Variants in ADAM10 observed in about 807,000 individuals in gnomAD.
ADAM10 encodes the protein disintegrin and metalloproteinase domain-containing protein 10.
ADAM10 carries 17 observed loss-of-function variants against 90.1 expected under a neutral mutation model. That is an observed-to-expected ratio of 0.19 (90% confidence interval 0.13 to 0.28). The LOEUF (loss-of-function observed/expected upper bound fraction) is 0.28, where lower values mean the gene tolerates loss of function less well. Among genes scored for constraint, ADAM10 ranks in the 10% least tolerant of loss-of-function variants. ADAM10 has a pLI of 1.00. For missense variants in ADAM10, 610 were observed against 914.3 expected (o/e 0.67, Z 4.29); for synonymous variants, 310 against 298.6 (o/e 1.04, Z -0.40).
Position 58,593,152 on chromosome 15 carries a change from T to A in ADAM10, c.*4395A>T, listed in dbSNP as rs1894864226. On this transcript the variant is annotated 3_prime_UTR_variant, in exon 16 of 16. Transcript: ENST00000260408. Reference sequence around the variant, plus strand: ...GTAACAAAGGCCAGGTACTCAAATTTTTTTTTTTTTTTTTTTTTTTTTTTT... The same window carrying A: ...GTAACAAAGGCCAGGTACTCAAATTATTTTTTTTTTTTTTTTTTTTTTTTT... The A allele has an allele frequency of 4.5e-4, 2 of 4,472 alleles. No homozygotes were observed. Among genetic ancestry groups the A allele is most frequent in the Non-Finnish European group, 7.7e-4 (2 of 2,600 alleles). The allele number at this position is 4,472 out of a possible 1,614,324, so 0.3% of individuals were successfully genotyped here.
chr15:58,699,659 A>C (rs1898077113), intron 2 of ADAM10, among the ~76,000 whole-genome samples: 1 of 151,974 alleles, frequency 6.6e-6, no homozygotes, highest in Non-Finnish European at 1.5e-5. Flanking sequence ...CTTTAGTCCC[A>C]ACTATGAAGG....
chr15:58,659,068 T>G (rs1168446469), intron 5 of ADAM10, among the ~76,000 whole-genome samples: 1 of 152,026 alleles, frequency 6.6e-6, no homozygotes, highest in East Asian at 1.9e-4. Context: ...AGTTCAAAAG[T>G]TCAAGACCAG....
At chr15:58,710,057 C>A (rs542696017) in intron 2 of ADAM10, among the ~76,000 whole-genome samples, 12 of 152,158 alleles carry the variant, frequency 7.9e-5, no homozygotes, top group African/African-American at 2.9e-4. Context: ...CCAAGGCAGG[C>A]GGATCATGTT....
rs199586106 is a variant in ADAM10 at position 58,673,414 on chromosome 15, GT to G, written c.484+5709del. Among the ~76,000 whole-genome samples, 561 of 146,012 alleles carry G rather than the reference GT, an allele frequency of 3.8e-3. 5 individuals are homozygous for G. Among genetic ancestry groups the G allele is most frequent in the African/African-American group, 0.012 (494 of 39,858 alleles). ...AAAAAAAAAAAAAAAAGCTGCAGCT[GT>G]TTTTTTGACACTGTAAATGCTTCTA... On this transcript the variant is annotated intron_variant, in intron 4 of 15. Transcript: ENST00000260408.
chr15:58,659,104 C>T (rs746632464), intron 5 of ADAM10, among the ~76,000 whole-genome samples: 1 of 152,054 alleles, frequency 6.6e-6, no homozygotes, highest in Non-Finnish European at 1.5e-5. Context: ...GAAACCCCAT[C>T]TTTACTAAAA....
At chr15:58,660,660 T>C (rs1896945246) in intron 5 of ADAM10, among the ~76,000 whole-genome samples, 1 of 152,196 alleles carries the variant, frequency 6.6e-6, no homozygotes, top group Non-Finnish European at 1.5e-5. Context: ...CCATCAGTTT[T>C]TTGTTCCTTT....
intron 11 of ADAM10, among the ~76,000 whole-genome samples, chr15:58,615,337 C>T (rs192859714): frequency 6.6e-6 from 1 of 151,368 alleles, no homozygotes; most frequent in African/African-American, 2.4e-5. Context: ...GAAGTCCTCA[C>T]CTACTGATAT....
chr15:58,603,710 T>A (rs770244240), intron 14 of ADAM10, among the ~76,000 whole-genome samples: 1 of 152,034 alleles, frequency 6.6e-6, no homozygotes, highest in Admixed American at 6.5e-5. Flanking sequence ...TAGACCACTA[T>A]GTAGGAGAGA....
chr15:58,661,678 G>A (rs1896970534), intron 5 of ADAM10, among the ~76,000 whole-genome samples: 1 of 152,062 alleles, frequency 6.6e-6, no homozygotes, highest in South Asian at 2.1e-4. Flanking sequence ...CTTGGACCAT[G>A]AATTGAAATT....
At chr15:58,715,987 G>A (rs1203826544) in intron 2 of ADAM10, among the ~76,000 whole-genome samples, 2 of 152,056 alleles carry the variant, frequency 1.3e-5, no homozygotes, top group African/African-American at 4.8e-5. Context: ...ATGATTGCTT[G>A]TAATTTCATA....
intron 8 of ADAM10, among the ~76,000 whole-genome samples, chr15:58,639,970 G>A (rs570326886): frequency 2.0e-4 from 31 of 151,614 alleles, no homozygotes; most frequent in African/African-American, 4.6e-4. Context: ...ATATACTATT[G>A]ATTAAACTCT....
intron 5 of ADAM10, among the ~76,000 whole-genome samples, chr15:58,664,658 G>T (rs1460821694): frequency 6.6e-6 from 1 of 151,934 alleles, no homozygotes; most frequent in Non-Finnish European, 1.5e-5. Context: ...AAAGAAAAAG[G>T]AAGGGAAAAA....
chr15:58,649,878 T>C (rs1896644051), intron 5 of ADAM10, among the ~76,000 whole-genome samples: 1 of 152,196 alleles, frequency 6.6e-6, no homozygotes, highest in Non-Finnish European at 1.5e-5. Context: ...TGACTCTCCA[T>C]TTTCCTCCTT....
At chr15:58,662,979 G>T (rs912393875) in intron 5 of ADAM10, among the ~76,000 whole-genome samples, 12 of 152,292 alleles carry the variant, frequency 7.9e-5, no homozygotes, top group Middle Eastern at 6.8e-3. Flanking sequence ...AGAAGGCAGG[G>T]AAATCACAGA....
intron 1 of ADAM10, among the ~76,000 whole-genome samples, chr15:58,738,771 A>C (rs1274340190): frequency 2.6e-5 from 4 of 152,248 alleles, no homozygotes; most frequent in Non-Finnish European, 5.9e-5. Context: ...TGTGTACGTA[A>C]GATTTCTATG....
chr15:58,691,398 A>G (rs766647436), intron 2 of ADAM10: 5 of 753,640 alleles, frequency 6.6e-6, no homozygotes, highest in Non-Finnish European at 1.2e-5. Context: ...CTCTTGCTCC[A>G]CAAAAGCAGA....
At chr15:58,636,944 G>C (rs1896271181) in intron 8 of ADAM10, among the ~76,000 whole-genome samples, 2 of 152,178 alleles carry the variant, frequency 1.3e-5, no homozygotes, top group South Asian at 4.1e-4. Flanking sequence ...CAAGTCTGGA[G>C]AGCACTACTC....
intron 1 of ADAM10, chr15:58,733,226 C>G (rs1051131541): frequency 1.3e-5 from 2 of 152,240 alleles, no homozygotes; most frequent in Non-Finnish European, 2.9e-5. Context: ...TGAATGTGAG[C>G]TGTCAGCCAG....
At chr15:58,638,407 A>G (rs1409964508) in intron 8 of ADAM10, among the ~76,000 whole-genome samples, 2 of 151,858 alleles carry the variant, frequency 1.3e-5, no homozygotes, top group Non-Finnish European at 2.9e-5. Flanking sequence ...CGAGGTCAGG[A>G]GATTGAGACC....
Sources: allele counts gnomAD v4.1 joint callset (sites outside exome capture counted in the v4.1 genomes callset), GRCh38; gene constraint gnomAD v4.1.1; transcripts MANE v1.5; gene names NCBI Gene and HGNC (gene_info 2026-07-23, HGNC 2026-07-21).